PSCA: variants seen among roughly 807,000 people sequenced by gnomAD.
The protein encoded by PSCA is prostate stem cell antigen.
In PSCA, 7 loss-of-function variants were observed where a neutral mutation model predicts 7.9. That is an observed-to-expected ratio of 0.89 (90% CI 0.51 to 1.67). PSCA has a LOEUF of 1.67. Among genes scored for constraint, PSCA ranks in the 40% most tolerant of loss-of-function variants. The pLI is 0.00. For synonymous variants in PSCA, 61 were observed against 68.3 expected (o/e 0.89, Z 0.53); for missense variants, 151 against 147.9 (o/e 1.02, Z -0.11).
Position 142,682,284 on chromosome 8 carries a change from C to A in PSCA, c.*152C>A, listed in dbSNP as rs746595298. 5 of 946,634 alleles carry A rather than the reference C, an allele frequency of 5.3e-6. No homozygotes were observed. The highest frequency in any genetic ancestry group is 8.2e-6 in the Non-Finnish European group (5 of 608,874). The allele number at this position is 946,634 out of a possible 1,614,324, so 58.6% of individuals were successfully genotyped here. On this transcript the variant is annotated 3_prime_UTR_variant, in exon 3 of 3. Coordinates refer to ENST00000301258, the MANE Select transcript of PSCA (RefSeq NM_005672.5). Reference sequence around the variant, plus strand: ...CATGTATGTCTGCGCCCCTGTCCCCCACCCTGACCCTCCCATGGCCCTCTC... The same window carrying A: ...CATGTATGTCTGCGCCCCTGTCCCCAACCCTGACCCTCCCATGGCCCTCTC...
At chr8:142,677,720 G>A (rs1051920458), upstream of PSCA, among the ~76,000 whole-genome samples, 2 of 152,162 alleles carry the variant, frequency 1.3e-5, no homozygotes, top group African/African-American at 4.8e-5. Context: ...GCTGGAGGGC[G>A]TGTCCAGAGG....
rs782294482 is a variant in PSCA at position 142,673,741 on chromosome 8, C to G, written n.261+3173C>G. On this transcript the variant is annotated intron_variant and non_coding_transcript_variant, in intron 1 of 1. Transcript: ENST00000505305. The surrounding 1 kb of genome is among the most constrained non-coding windows in gnomAD (Gnocchi z 4.6). ...TTGCGTCCAGGTGGGGCCACAGGAC[C>G]GGCTGCGGGGTTGGTGGGCCTCGCT... Among the ~76,000 whole-genome samples, 7 of 152,186 alleles carry G rather than the reference C, an allele frequency of 4.6e-5. No individual in the cohort carries two copies. Among genetic ancestry groups the G allele is most frequent in the African/African-American group, 1.7e-4 (7 of 41,448 alleles).
chr8:142,681,654 C>T, intron 2 of PSCA: 1 of 615,304 alleles, frequency 1.6e-6, no homozygotes, highest in Non-Finnish European at 2.9e-6. Flanking sequence ...CCATCTTCCA[C>T]TCCTCCACCC....
At chr8:142,674,530 G>A (rs1413395025) in intron 1 of PSCA, among the ~76,000 whole-genome samples, 2 of 152,266 alleles carry the variant, frequency 1.3e-5, no homozygotes, top group Non-Finnish European at 2.9e-5. Context: ...GAAAAGGGCT[G>A]TTATGCCCAG....
At chr8:142,680,733 C>A in intron 1 of PSCA, 170 bp downstream of exon 1, 1 of 881,524 alleles carries the variant, frequency 1.1e-6, no homozygotes, top group Middle Eastern at 3.2e-4. Context: ...TTGGCACGAC[C>A]AGGCAGCGAC....
chr8:142,674,203 C>CT (rs1847369288), intron 1 of PSCA, among the ~76,000 whole-genome samples: 2 of 148,656 alleles, frequency 1.3e-5, no homozygotes, highest in African/African-American at 5.0e-5. Flanking sequence ...CTCAGATCCC[C>CT]CATCTTCCTA....
intron 1 of PSCA, among the ~76,000 whole-genome samples, chr8:142,671,855 C>G (rs1243154564): frequency 6.6e-6 from 1 of 152,166 alleles, no homozygotes; most frequent in African/African-American, 2.4e-5. Context: ...TCCGTTGTTA[C>G]CTGGGCTCCC....
chr8:142,675,560 C>T (rs1356520168), upstream of PSCA, among the ~76,000 whole-genome samples: 2 of 152,222 alleles, frequency 1.3e-5, no homozygotes, highest in African/African-American at 4.8e-5. Flanking sequence ...CTTTTGCTTA[C>T]ACAACACACA....
upstream of PSCA, among the ~76,000 whole-genome samples, chr8:142,678,005 G>A (rs1468957898): frequency 3.3e-5 from 5 of 152,148 alleles, no homozygotes; most frequent in South Asian, 2.1e-4. Flanking sequence ...GTCTTGCATC[G>A]TCCCTGCCCC....
At chr8:142,678,864 C>G (rs587708556), upstream of PSCA, among the ~76,000 whole-genome samples, 1 of 151,986 alleles carries the variant, frequency 6.6e-6, no homozygotes, top group African/African-American at 2.4e-5. Flanking sequence ...TAGGCCTGTA[C>G]TAGAGGACCA....
intron 1 of PSCA, chr8:142,680,954 G>A (rs1400744217): frequency 6.5e-6 from 3 of 461,734 alleles, no homozygotes; most frequent in South Asian, 5.4e-5. Flanking sequence ...AGGTGCTGGG[G>A]GTGTCCTGCG....
upstream of PSCA, among the ~76,000 whole-genome samples, chr8:142,679,674 G>T (rs1377933748): frequency 1.3e-5 from 2 of 152,194 alleles, no homozygotes; most frequent in Non-Finnish European, 2.9e-5. Context: ...ACATCTTCTG[G>T]TTGGCAATCG....
chr8:142,678,507 G>T (rs1847423669), upstream of PSCA, among the ~76,000 whole-genome samples: 1 of 152,262 alleles, frequency 6.6e-6, no homozygotes, highest in South Asian at 2.1e-4. Context: ...CCAGCAGCAG[G>T]AAGCCACCAG....
chr8:142,681,043 G>A lies in PSCA; in HGVS notation c.26-284G>A, dbSNP rs1393319117. ...CCCAGGGAGCTGCTCTGCTTGAGGT[G>A]GGACCCTCCCGACCCAGGGTCCCGG... is the stretch of plus-strand genomic sequence containing the variant. On this transcript the variant is annotated intron_variant, in intron 1 of 2. Transcript: ENST00000301258. The A allele has an allele frequency of 8.2e-6, 4 of 488,682 alleles. No homozygotes were observed. In the East Asian group the frequency reaches 1.5e-4, roughly 18 times the overall value. 30.3% of individuals were successfully genotyped at this position (488,682 alleles called of 1,614,324 possible). A position where few individuals can be genotyped will look rare whatever the true frequency, so the allele number is the denominator to read the frequency against.
chr8:142,675,233 C>A (rs1489286092), intron 1 of PSCA, among the ~76,000 whole-genome samples: 1 of 152,120 alleles, frequency 6.6e-6, no homozygotes, highest in Non-Finnish European at 1.5e-5. Flanking sequence ...GCAGAGGGTG[C>A]AGAGTGGTGG....
chr8:142,678,222 CA>C (rs1847420397), upstream of PSCA, among the ~76,000 whole-genome samples: 1 of 152,160 alleles, frequency 6.6e-6, no homozygotes, highest in Non-Finnish European at 1.5e-5. Flanking sequence ...AGAGCCTTTT[CA>C]GGGGCAAAAT....
chr8:142,681,860 G>C (rs1350028418), intron 2 of PSCA, 61 bp from the exon 3 acceptor site: 9 of 1,243,770 alleles, frequency 7.2e-6, no homozygotes, highest in Non-Finnish European at 1.0e-5. Flanking sequence ...AGGAGGCCTG[G>C]GGCAGGTCAG....
At position 142,682,539 on chromosome 8, in the gene PSCA, C is replaced by T. The variant is rs1355363904; in HGVS notation, c.*407C>T. The T allele has an allele frequency of 4.4e-6, 2 of 457,598 alleles. No individual in the cohort carries two copies. Among genetic ancestry groups the T allele is most frequent in the Non-Finnish European group, 8.6e-6 (2 of 231,238 alleles). 28.3% of individuals were successfully genotyped at this position (457,598 alleles called of 1,614,324 possible). A position where few individuals can be genotyped will look rare whatever the true frequency, so the allele number is the denominator to read the frequency against. On this transcript the variant is annotated 3_prime_UTR_variant, in exon 3 of 3. Coordinates refer to ENST00000301258, the MANE Select transcript of PSCA (RefSeq NM_005672.5). ...CAGGGGACAGGCACTCAGGAGGGCC[C>T]GGTAAAGGCTGAGATGAAGTGGACT...
Position 142,682,548 on chromosome 8 carries a change from C to T in PSCA, c.*416C>T, listed in dbSNP as rs782811958. 9.3e-6 allele frequency: 4 copies of T among 431,022 alleles called. No individual in the cohort carries two copies. Among genetic ancestry groups the T allele is most frequent in the South Asian group, 7.0e-5 (4 of 57,072 alleles). The allele number at this position is 431,022 out of a possible 1,614,324, so 26.7% of individuals were successfully genotyped here. On this transcript the variant is annotated 3_prime_UTR_variant, in exon 3 of 3. Coordinates refer to ENST00000301258, the MANE Select transcript of PSCA (RefSeq NM_005672.5). ...GGCACTCAGGAGGGCCCGGTAAAGG[C>T]TGAGATGAAGTGGACTGAGTAGAAC...
Sources: allele counts gnomAD v4.1 joint callset (sites outside exome capture counted in the v4.1 genomes callset), GRCh38; gene constraint gnomAD v4.1.1; non-coding constraint Gnocchi (gnomAD v3.1); transcripts MANE v1.5; gene names NCBI Gene and HGNC (gene_info 2026-07-23, HGNC 2026-07-21).